Variants in ARHGAP10 observed in about 807,000 individuals in gnomAD.
ARHGAP10 encodes rho GTPase-activating protein 10.
Under a neutral mutation model 108.6 loss-of-function variants are expected in ARHGAP10, and 87 were observed. The observed-to-expected ratio is 0.80, with a 90% CI of 0.67 to 0.96. The LOEUF is 0.96. Among genes scored for constraint, ARHGAP10 ranks in the 40% least tolerant of loss-of-function variants. The probability of loss-of-function intolerance (pLI) is 0.00; values close to 1 mark genes in which losing one functional copy is unlikely to be tolerated. For synonymous variants in ARHGAP10, 347 were observed against 341.1 expected (o/e 1.02, Z -0.19); for missense variants, 939 against 954.5 (o/e 0.98, Z 0.21).
intron 1 of ARHGAP10, among the ~76,000 whole-genome samples, chr4:147,753,595 C>G (rs967916268): frequency 6.6e-6 from 1 of 151,328 alleles, no homozygotes; most frequent in Non-Finnish European, 1.5e-5. Context: ...CTCAGGTGAT[C>G]TGCCTGCCTC....
chr4:147,873,681 AACACACACACACACACAC>A (rs67852364), intron 7 of ARHGAP10, among the ~76,000 whole-genome samples: 8 of 98,718 alleles, frequency 8.1e-5, no homozygotes, highest in Non-Finnish European at 1.4e-4. Context: ...CAAAAAACAA[AACACACACACACACACAC>A]ACACACACAC....
At chr4:147,740,604 G>A (rs1196737361) in intron 1 of ARHGAP10, among the ~76,000 whole-genome samples, 1 of 152,130 alleles carries the variant, frequency 6.6e-6, no homozygotes, top group Non-Finnish European at 1.5e-5. Flanking sequence ...TGTATTATGA[G>A]TACAGTATAG....
chr4:147,980,861 C>A (rs1401259933), intron 18 of ARHGAP10, among the ~76,000 whole-genome samples: 2 of 152,014 alleles, frequency 1.3e-5, no homozygotes, highest in Non-Finnish European at 2.9e-5. Flanking sequence ...CTCTGGAGAT[C>A]TTTTCTATTT....
At chr4:147,748,016 C>CAGGACAGCTCCCCTACAATGT (rs1729006338) in intron 1 of ARHGAP10, among the ~76,000 whole-genome samples, 7 of 152,116 alleles carry the variant, frequency 4.6e-5, no homozygotes. Flanking sequence ...CTGCAGTGCA[C>CAGGACAGCTCCCCTACAATGT]AGGACAGCTC....
At chr4:147,985,302 A>G (rs76938699) in intron 18 of ARHGAP10, among the ~76,000 whole-genome samples, 8,145 of 152,106 alleles carry the variant, frequency 0.054, 241 homozygotes, top group African/African-American at 0.07. Context: ...GGCTCAGGCT[A>G]CTGATCCAGG....
chr4:148,055,932 C>T (rs1361268175), intron 20 of ARHGAP10, among the ~76,000 whole-genome samples: 1 of 152,140 alleles, frequency 6.6e-6, no homozygotes, highest in Admixed American at 6.5e-5. Flanking sequence ...CTTCATCTCC[C>T]CCAAACCCCA....
chr4:147,814,741 A>G (rs911648202), intron 1 of ARHGAP10, among the ~76,000 whole-genome samples: 1 of 152,170 alleles, frequency 6.6e-6, no homozygotes, highest in East Asian at 1.9e-4. Context: ...TCTCATCTGT[A>G]TATTGTTTCT....
intron 10 of ARHGAP10, among the ~76,000 whole-genome samples, chr4:147,890,374 A>G: frequency 6.6e-6 from 1 of 152,188 alleles, no homozygotes; most frequent in East Asian, 1.9e-4. Context: ...AATTTTTCTT[A>G]GCTAAGAGAC....
intron 8 of ARHGAP10, 119 bp downstream of exon 8, chr4:147,875,269 T>C: frequency 8.8e-7 from 1 of 1,135,416 alleles, no homozygotes; most frequent in Non-Finnish European, 1.2e-6. Flanking sequence ...TTTCTCTCCC[T>C]GCTCCTATCA....
intron 1 of ARHGAP10, among the ~76,000 whole-genome samples, chr4:147,742,097 C>T (rs1241367171): frequency 1.3e-5 from 2 of 152,022 alleles, no homozygotes; most frequent in Middle Eastern, 3.4e-3. Context: ...GCTGGAAGAA[C>T]TCAATTTGGC....
At chr4:147,855,443 T>A (rs1264721403) in intron 4 of ARHGAP10, among the ~76,000 whole-genome samples, 2 of 152,188 alleles carry the variant, frequency 1.3e-5, no homozygotes, top group African/African-American at 4.8e-5. Flanking sequence ...TTGGACTTAG[T>A]TGTAAATTAA....
At chr4:147,993,068 T>A (rs1301735264) in intron 18 of ARHGAP10, among the ~76,000 whole-genome samples, 1 of 152,258 alleles carries the variant, frequency 6.6e-6, no homozygotes, top group Non-Finnish European at 1.5e-5. Flanking sequence ...GCATACCTAA[T>A]TCATAATGAT....
intron 1 of ARHGAP10, among the ~76,000 whole-genome samples, chr4:147,766,029 C>G (rs1026488885): frequency 6.6e-6 from 1 of 151,588 alleles, no homozygotes; most frequent in African/African-American, 2.4e-5. Context: ...ACCTGTAATC[C>G]CAGCACTTTG....
intron 3 of ARHGAP10, among the ~76,000 whole-genome samples, chr4:147,829,050 T>C (rs1732839205): frequency 3.2e-5 from 2 of 62,386 alleles, no homozygotes; most frequent in Non-Finnish European, 7.8e-5. Context: ...GGCTAATTTT[T>C]TTGTATTTTT....
chr4:147,965,953 A>T (rs759139186), intron 17 of ARHGAP10, among the ~76,000 whole-genome samples: 1 of 152,252 alleles, frequency 6.6e-6, no homozygotes, highest in Non-Finnish European at 1.5e-5. Context: ...GAGACTATAA[A>T]AAATGTTATG....
rs748127890 is a variant in ARHGAP10, at chr4:148,046,988, C to T, written c.1964C>T (p.Pro655Leu). ...GTGACTACAGCTGTCCCTGGGCCTC[C>T]TGGACCAGACAAAAACCACCTTCTG... is the stretch of plus-strand genomic sequence containing the variant. Reference protein sequence around the residue: ...SPVTTAVPGPPGPDKNHLLAD... With the variant: ...SPVTTAVPGPLGPDKNHLLAD... The change falls in exon 20 of 23, where the codon CCT becomes CTT. Residue 655 changes from proline (P) to leucine (L), a missense_variant. Physicochemically the swap from Pro to Leu is moderately conservative, Grantham distance 98. Transcript: ENST00000336498. 2 of 1,614,172 alleles carry T rather than the reference C, an allele frequency of 1.2e-6. No homozygotes were observed. Among genetic ancestry groups the T allele is most frequent in the Non-Finnish European group, 8.5e-7 (1 of 1,180,020 alleles).
Position 147,955,379 on chromosome 4 carries a change from G to A in ARHGAP10, c.1450+5G>A, listed in dbSNP as rs776722306. On this transcript the variant is annotated splice_donor_5th_base_variant and intron_variant, in intron 16 of 22. Coordinates refer to ENST00000336498, the MANE Select transcript of ARHGAP10 (RefSeq NM_024605.4). ...GAGATTTCATTGTTCCAGCCAGTAA[G>A]TATTATGTAAAGGTATATAGGAACA... 3.7e-6 allele frequency: 6 copies of A among 1,609,274 alleles called. No individual in the cohort carries two copies. Among genetic ancestry groups the A allele is most frequent in the Non-Finnish European group, 5.1e-6 (6 of 1,176,334 alleles).
intron 1 of ARHGAP10, among the ~76,000 whole-genome samples, chr4:147,814,573 G>T (rs760043925): frequency 7.2e-5 from 11 of 152,004 alleles, no homozygotes; most frequent in Non-Finnish European, 1.3e-4. Flanking sequence ...CCCACATGTG[G>T]GAGTGTTTTT....
chr4:147,771,549 AT>A (rs1289061630), intron 1 of ARHGAP10, among the ~76,000 whole-genome samples: 1 of 152,114 alleles, frequency 6.6e-6, no homozygotes, highest in African/African-American at 2.4e-5. Flanking sequence ...AGGTGGCACA[AT>A]TTTTTTGTAC....
Sources: gnomAD v4.1 joint callset for allele counts (sites outside exome capture counted in the v4.1 genomes callset) on GRCh38, gnomAD v4.1.1 for gene constraint, MANE v1.5 for transcripts, NCBI Gene and HGNC (gene_info 2026-07-23, HGNC 2026-07-21) for gene names.